JAM3: variants seen among roughly 807,000 people sequenced by gnomAD.
JAM3 encodes the protein junctional adhesion molecule 3.
In JAM3, 31 loss-of-function variants were observed where a neutral mutation model predicts 39.4. The observed-to-expected ratio is 0.79, with a 90% CI of 0.59 to 1.06. The LOEUF is 1.06. Among genes scored for constraint, JAM3 ranks in the 50% least tolerant of loss-of-function variants. The pLI, the probability that JAM3 is intolerant of heterozygous loss-of-function variation, is 0.00. For synonymous variants in JAM3, 182 were observed against 148.7 expected, an observed-to-expected ratio of 1.22 and a Z score of -1.63; for missense variants, 455 against 391.4, an observed-to-expected ratio of 1.16 and a Z score of -1.37.
At chr11:134,116,813 A>C (rs570205045) in intron 1 of JAM3, among the ~76,000 whole-genome samples, 1 of 152,228 alleles carries the variant, frequency 6.6e-6, no homozygotes, top group East Asian at 1.9e-4. Flanking sequence ...CTATTTCTCT[A>C]TTTGTATCTA....
intron 1 of JAM3, among the ~76,000 whole-genome samples, chr11:134,102,324 TAACA>T (rs1277135343): frequency 2.0e-5 from 3 of 152,054 alleles, no homozygotes; most frequent in African/African-American, 7.2e-5. Context: ...GAAGGAAAAC[TAACA>T]AACAGAAAGG....
intron 1 of JAM3, among the ~76,000 whole-genome samples, chr11:134,078,573 A>G (rs1049069778): frequency 8.6e-5 from 13 of 151,574 alleles, no homozygotes; most frequent in African/African-American, 2.9e-4. Context: ...GACTTATGTG[A>G]GATCTCGTTG....
At chr11:134,083,195 T>G (rs1941693844) in intron 1 of JAM3, among the ~76,000 whole-genome samples, 1 of 152,212 alleles carries the variant, frequency 6.6e-6, no homozygotes. Context: ...TTGTGCAGAC[T>G]TAAGGCATAT....
At chr11:134,109,720 ATG>A (rs1186768336) in intron 1 of JAM3, among the ~76,000 whole-genome samples, 1 of 152,226 alleles carries the variant, frequency 6.6e-6, no homozygotes, top group East Asian at 1.9e-4. Context: ...AAGAGGGAGA[ATG>A]TGGTAATCCA....
At chr11:134,134,839 T>A (rs555204210) in intron 1 of JAM3, among the ~76,000 whole-genome samples, 1 of 152,246 alleles carries the variant, frequency 6.6e-6, no homozygotes, top group Non-Finnish European at 1.5e-5. Flanking sequence ...TTTTAAAATT[T>A]GTTCAATTGT....
intron 1 of JAM3, among the ~76,000 whole-genome samples, chr11:134,110,233 A>G (rs1340996433): frequency 6.6e-6 from 1 of 152,212 alleles, no homozygotes; most frequent in African/African-American, 2.4e-5. Context: ...TAAAATGGTA[A>G]GACCAATTTG....
At chr11:134,086,293 C>T (rs1440155284) in intron 1 of JAM3, among the ~76,000 whole-genome samples, 1 of 152,078 alleles carries the variant, frequency 6.6e-6, no homozygotes, top group East Asian at 1.9e-4. Context: ...TTACAATAAC[C>T]TTCTCTTAAA....
chr11:134,100,477 T>C (rs1484070002), intron 1 of JAM3, among the ~76,000 whole-genome samples: 1 of 152,198 alleles, frequency 6.6e-6, no homozygotes, highest in Non-Finnish European at 1.5e-5. Flanking sequence ...ATTTTTAAAA[T>C]CCCTAATTAG....
intron 1 of JAM3, among the ~76,000 whole-genome samples, chr11:134,102,454 C>G (rs561187347): frequency 2.0e-5 from 3 of 152,130 alleles, no homozygotes. Context: ...AAAATCAGAG[C>G]GCTTCTCCCC....
chr11:134,144,701 T>G (rs1943038643), intron 4 of JAM3, 91 bp from the exon 5 acceptor site: 1 of 1,201,796 alleles, frequency 8.3e-7, no homozygotes, highest in African/African-American at 1.5e-5. Flanking sequence ...CTCGACTGGC[T>G]GTCTTGTCTT....
At chr11:134,079,453 GATGTA>G (rs1248731904) in intron 1 of JAM3, among the ~76,000 whole-genome samples, 2 of 152,112 alleles carry the variant, frequency 1.3e-5, no homozygotes, top group Non-Finnish European at 2.9e-5. Context: ...GGTGCCGTCT[GATGTA>G]ATGTGTGGAC....
At chr11:134,141,936 G>A (rs1040131850) in intron 3 of JAM3, among the ~76,000 whole-genome samples, 11 of 152,044 alleles carry the variant, frequency 7.2e-5, no homozygotes, top group African/African-American at 2.2e-4. Context: ...ACACAGTCTT[G>A]CTTTGGGTTC....
intron 1 of JAM3, among the ~76,000 whole-genome samples, chr11:134,129,378 A>C (rs953756008): frequency 2.0e-5 from 3 of 152,232 alleles, no homozygotes; most frequent in East Asian, 3.9e-4. Flanking sequence ...GGCCTCTGAA[A>C]GTGCTGGGAT....
intron 1 of JAM3, among the ~76,000 whole-genome samples, chr11:134,136,438 C>A (rs1327308018): frequency 6.6e-6 from 1 of 152,196 alleles, no homozygotes; most frequent in Admixed American, 6.5e-5. Flanking sequence ...CCTCACACTA[C>A]CATTCTTTTA....
chr11:134,147,612 G>C (rs987110659), intron 6 of JAM3, among the ~76,000 whole-genome samples: 3 of 151,646 alleles, frequency 2.0e-5, no homozygotes, highest in African/African-American at 7.3e-5. Context: ...TCAGCCTCCT[G>C]AGTAGCTGGG....
At chr11:134,142,788 C>T (rs1362025344) in intron 3 of JAM3, among the ~76,000 whole-genome samples, 1 of 152,030 alleles carries the variant, frequency 6.6e-6, no homozygotes, top group Non-Finnish European at 1.5e-5. Flanking sequence ...CTCCCGCATC[C>T]CTGGCAGCTC....
intron 1 of JAM3, among the ~76,000 whole-genome samples, chr11:134,080,299 C>A (rs1226172535): frequency 6.6e-6 from 1 of 152,184 alleles, no homozygotes; most frequent in Admixed American, 6.5e-5. Context: ...GGGGTAACGT[C>A]AGTGAAATAG....
chr11:134,114,244 A>G (rs1025628129), intron 1 of JAM3, among the ~76,000 whole-genome samples: 3 of 152,080 alleles, frequency 2.0e-5, no homozygotes, highest in South Asian at 2.1e-4. Flanking sequence ...ATTGCTTTTG[A>G]TGTTTTAGAC....
At chr11:134,093,903 C>T (rs1391145443) in intron 1 of JAM3, among the ~76,000 whole-genome samples, 1 of 117,314 alleles carries the variant, frequency 8.5e-6, no homozygotes, top group African/African-American at 3.7e-5. Flanking sequence ...CATGTTCCAC[C>T]TTACATGTCA....
Sources: allele counts gnomAD v4.1 joint callset (sites outside exome capture counted in the v4.1 genomes callset), GRCh38; gene constraint gnomAD v4.1.1; transcripts MANE v1.5; gene names NCBI Gene and HGNC (gene_info 2026-07-23, HGNC 2026-07-21).